The following EEFSEC variants were observed in gnomAD, a reference collection of about 807,000 sequenced individuals.
EEFSEC encodes the protein eukaryotic elongation factor, selenocysteine-tRNA specific.
EEFSEC carries 43 observed loss-of-function variants against 42.1 expected under a neutral mutation model. The ratio of observed to expected loss-of-function variants is 1.02; its 90% confidence interval spans 0.80 to 1.32. The LOEUF is 1.32. EEFSEC is among the 40% of genes most tolerant of loss of function. The pLI is 0.00. For missense variants in EEFSEC, 745 were observed against 803.6 expected (o/e 0.93, Z 0.88); for synonymous variants, 354 against 339.1 (o/e 1.04, Z -0.48).
At chr3:128,345,567 A>G (rs1218873225) in intron 5 of EEFSEC, among the ~76,000 whole-genome samples, 13 of 152,254 alleles carry the variant, frequency 8.5e-5, no homozygotes, top group Admixed American at 8.5e-4. Flanking sequence ...CTGGAAGATC[A>G]GAGAATCTTG....
chr3:128,287,518 C>A (rs2066598871), intron 4 of EEFSEC, among the ~76,000 whole-genome samples: 1 of 152,180 alleles, frequency 6.6e-6, no homozygotes, highest in Non-Finnish European at 1.5e-5. Flanking sequence ...ATATGCAAAG[C>A]AAGGCTAGCT....
chr3:128,385,322 G>A (rs2067826153), intron 6 of EEFSEC, among the ~76,000 whole-genome samples: 1 of 152,214 alleles, frequency 6.6e-6, no homozygotes, highest in South Asian at 2.1e-4. Context: ...TGGGGAGCGG[G>A]GAGTGTGGTG....
chr3:128,330,000 A>G (rs2067108725), intron 4 of EEFSEC, among the ~76,000 whole-genome samples: 1 of 152,210 alleles, frequency 6.6e-6, no homozygotes, highest in Admixed American at 6.5e-5. Context: ...CCCTGAAAAC[A>G]GAGCTGGATC....
chr3:128,194,611 A>G (rs2065562215), intron 1 of EEFSEC, among the ~76,000 whole-genome samples: 1 of 152,234 alleles, frequency 6.6e-6, no homozygotes, highest in East Asian at 1.9e-4. Flanking sequence ...TCTTCACAGC[A>G]TTATTTATAA....
chr3:128,162,388 G>C (rs1318010723), intron 1 of EEFSEC, among the ~76,000 whole-genome samples: 2 of 152,174 alleles, frequency 1.3e-5, no homozygotes, highest in African/African-American at 4.8e-5. Flanking sequence ...CAGCACTAAA[G>C]TGTACCACTA....
rs547903970 is a variant in EEFSEC, at chr3:128,408,097, C to A, written c.1629C>A (p.Ile543=). 3.1e-6 allele frequency: 5 copies of A among 1,596,286 alleles called. No homozygotes were observed. Residue 543 remains isoleucine (I), a synonymous_variant, in exon 7 of 7, where the codon ATC becomes ATA. Coordinates refer to ENST00000254730, the MANE Select transcript of EEFSEC (RefSeq NM_021937.5). The part of the protein sequence containing the change: ...PGGLSPESKK[I]LTPALKKRAR... ...GCCTCAGCCCCGAGTCCAAGAAGAT[C>A]CTGACACCCGCCCTCAAGAAGCGGG...
chr3:128,264,498 G>C, intron 3 of EEFSEC, 119 bp from the exon 4 acceptor site: 1 of 1,186,648 alleles, frequency 8.4e-7, no homozygotes, highest in Middle Eastern at 2.6e-4. Flanking sequence ...GGACCTCTGA[G>C]CTGAGTTCAC....
rs151183209 is a variant in EEFSEC at position 128,257,193 on chromosome 3, A to G, written c.525-4935A>G. On this transcript the variant is annotated intron_variant, in intron 2 of 6. Coordinates refer to ENST00000254730, the MANE Select transcript of EEFSEC (RefSeq NM_021937.5). ...AAGTGTGGCATACTTTTCTTTGCAT[A>G]TGATTGTTTCTCTTGGTCACATCTT... Among the ~76,000 whole-genome samples, 6 of 152,322 alleles carry G rather than the reference A, an allele frequency of 3.9e-5. No homozygotes were observed. In the East Asian group the frequency reaches 7.7e-4, roughly 20 times the overall value.
intron 1 of EEFSEC, among the ~76,000 whole-genome samples, chr3:128,207,178 T>C (rs1167707995): frequency 6.6e-6 from 1 of 151,944 alleles, no homozygotes; most frequent in Non-Finnish European, 1.5e-5. Context: ...CCTCCCTTCC[T>C]GCTCCCCTCT....
chr3:128,172,933 A>G lies in EEFSEC; in HGVS notation c.316+19110A>G, dbSNP rs560083096. Among the ~76,000 whole-genome samples the G allele has an allele frequency of 7.2e-5, 11 of 152,358 alleles. No homozygotes were observed. The East Asian group carries it at 2.1e-3, about 29-fold the overall frequency. ...CTTCTTTTACTCTTTTGTAATCGCA[A>G]CATAAATCTTCCAAAGGGAGTATGT... On this transcript the variant is annotated intron_variant, in intron 1 of 6. Coordinates refer to ENST00000254730, the MANE Select transcript of EEFSEC (RefSeq NM_021937.5).
chr3:128,280,439 G>C (rs1400028020), intron 4 of EEFSEC, among the ~76,000 whole-genome samples: 1 of 152,218 alleles, frequency 6.6e-6, no homozygotes, highest in Admixed American at 6.5e-5. Context: ...CCCTCACTCG[G>C]CTTTGGCCTG....
At chr3:128,353,470 C>A (rs567656235) in intron 5 of EEFSEC, among the ~76,000 whole-genome samples, 1 of 152,336 alleles carries the variant, frequency 6.6e-6, no homozygotes, top group South Asian at 2.1e-4. Context: ...CTCCTCCTCC[C>A]TTCCAAATAA....
chr3:128,237,471 A>T (rs2066025028), intron 1 of EEFSEC, among the ~76,000 whole-genome samples: 1 of 152,008 alleles, frequency 6.6e-6, no homozygotes. Context: ...TTTTATCTAG[A>T]TGGCTACCCA....
intron 4 of EEFSEC, among the ~76,000 whole-genome samples, chr3:128,281,036 G>A (rs1199649202): frequency 2.0e-5 from 3 of 152,042 alleles, no homozygotes; most frequent in Non-Finnish European, 2.9e-5. Context: ...TACCCCCTCC[G>A]CTTCAGCCTA....
At chr3:128,385,332 G>A (rs1182061787) in intron 6 of EEFSEC, among the ~76,000 whole-genome samples, 2 of 152,216 alleles carry the variant, frequency 1.3e-5, no homozygotes, top group Non-Finnish European at 2.9e-5. Context: ...GGAGTGTGGT[G>A]TACAGGGACC....
chr3:128,322,281 G>A (rs1480459726), intron 4 of EEFSEC, among the ~76,000 whole-genome samples: 1 of 152,244 alleles, frequency 6.6e-6, no homozygotes, highest in African/African-American at 2.4e-5. Context: ...AAGCCAGCAT[G>A]CCTGCGCCTA....
chr3:128,235,239 A>ATT lies in EEFSEC; in HGVS notation c.317-11588_317-11587dup, dbSNP rs11412086. Among the ~76,000 whole-genome samples, 134 of 147,532 alleles carry ATT rather than the reference A, an allele frequency of 9.1e-4. 1 individual carries two copies. Among genetic ancestry groups the ATT allele is most frequent in the Admixed American group, 3.3e-3 (49 of 14,808 alleles). On this transcript the variant is annotated intron_variant, in intron 1 of 6. Transcript: ENST00000254730. Reference sequence around the variant, plus strand: ...ACCACCACACCCAGCTAATTTTTGTATTTTTTTTTTGTAGAGATGGGGTCT... The same window carrying ATT: ...ACCACCACACCCAGCTAATTTTTGTATTTTTTTTTTTTGTAGAGATGGGGTCT...
intron 6 of EEFSEC, among the ~76,000 whole-genome samples, chr3:128,371,890 G>A (rs1294854651): frequency 1.3e-5 from 2 of 152,188 alleles, no homozygotes; most frequent in Non-Finnish European, 2.9e-5. Context: ...AGGTCTCTGG[G>A]TGCTTGGTGG....
chr3:128,196,941 T>C (rs1165315317), intron 1 of EEFSEC, among the ~76,000 whole-genome samples: 2 of 152,218 alleles, frequency 1.3e-5, no homozygotes, highest in African/African-American at 2.4e-5. Flanking sequence ...TAGGGAGAGT[T>C]TGGATGCTCG....
Sources: allele counts gnomAD v4.1 joint callset (sites outside exome capture counted in the v4.1 genomes callset), GRCh38; gene constraint gnomAD v4.1.1; transcripts MANE v1.5; gene names NCBI Gene and HGNC (gene_info 2026-07-23, HGNC 2026-07-21).